The following CATSPERE variants were observed in gnomAD, a reference collection of about 807,000 sequenced individuals.
The protein encoded by CATSPERE is catsper channel auxiliary subunit epsilon, also known as cation channel sperm-associated auxiliary subunit epsilon.
CATSPERE carries 93 observed loss-of-function variants against 114.1 expected under a neutral mutation model. The ratio of observed to expected loss-of-function variants is 0.81; its 90% confidence interval spans 0.69 to 0.97. The LOEUF is 0.97. Among genes scored for constraint, CATSPERE ranks in the 50% least tolerant of loss-of-function variants. The probability of loss-of-function intolerance (pLI) is 0.00; values close to 1 mark genes in which losing one functional copy is unlikely to be tolerated. For missense variants in CATSPERE, 1,058 were observed against 1,131.6 expected, an observed-to-expected ratio of 0.93 and a Z score of 0.93; for synonymous variants, 341 against 384.1, an observed-to-expected ratio of 0.89 and a Z score of 1.31.
Position 244,477,887 on chromosome 1 carries a change from T to G in CATSPERE, c.189-19T>G. 6.3e-7 allele frequency: 1 copy of G among 1,580,084 alleles called. No homozygotes were observed. Among genetic ancestry groups the G allele is most frequent in the Non-Finnish European group, 8.7e-7 (1 of 1,152,714 alleles). On this transcript the variant is annotated intron_variant, in intron 3 of 21. Transcript: ENST00000366534. ...CATATGCACCTATAATTATTCTTTC[T>G]CATCTTTTTAAACACTAGCTCACCC...
At chr1:244,541,226 A>C (rs957953244) in intron 8 of CATSPERE, among the ~76,000 whole-genome samples, 237 of 151,240 alleles carry the variant, frequency 1.6e-3, no homozygotes, top group African/African-American at 5.5e-3. Context: ...GGCAACCTAC[A>C]AAATGGGAGA....
intron 6 of CATSPERE, among the ~76,000 whole-genome samples, chr1:244,494,345 C>T (rs1672739036): frequency 6.7e-6 from 1 of 150,352 alleles, no homozygotes. Context: ...AGCAAACTAT[C>T]ACAAGGACAA....
At chr1:244,620,871 G>A (rs979597613) in intron 20 of CATSPERE, among the ~76,000 whole-genome samples, 1 of 150,178 alleles carries the variant, frequency 6.7e-6, no homozygotes, top group Non-Finnish European at 1.5e-5. Context: ...GCAACATGTA[G>A]GACAAAGGAG....
At chr1:244,601,547 G>C (rs1050667434) in intron 17 of CATSPERE, among the ~76,000 whole-genome samples, 2 of 152,196 alleles carry the variant, frequency 1.3e-5, no homozygotes, top group Non-Finnish European at 1.5e-5. Context: ...CACCTAGACT[G>C]ACAGATTTCT....
chr1:244,475,617 A>T (rs1395020391), intron 2 of CATSPERE, among the ~76,000 whole-genome samples: 4 of 149,856 alleles, frequency 2.7e-5, no homozygotes, highest in Non-Finnish European at 1.5e-5. Flanking sequence ...GCTCACTGCA[A>T]TCTCTGACTC....
At chr1:244,461,532 G>A in intron 1 of CATSPERE, 38 bp downstream of exon 1, 1 of 1,269,988 alleles carries the variant, frequency 7.9e-7, no homozygotes. Context: ...GACTAGGCGG[G>A]GATTACCCCC....
intron 17 of CATSPERE, among the ~76,000 whole-genome samples, chr1:244,595,825 G>T (rs572068377): frequency 1.2e-3 from 176 of 152,218 alleles, no homozygotes; most frequent in African/African-American, 3.9e-3. Context: ...CCCAGCTACT[G>T]GGGAGGCTGA....
chr1:244,574,120 G>A (rs1307930254), intron 11 of CATSPERE, among the ~76,000 whole-genome samples: 6 of 152,172 alleles, frequency 3.9e-5, no homozygotes, highest in East Asian at 3.9e-4. Context: ...TGAACCTGAC[G>A]GGCTAATAAT....
At position 244,518,718 on chromosome 1, in the gene CATSPERE, T is replaced by G. The variant is rs555702665; in HGVS notation, c.536+20T>G. Reference sequence around the variant, plus strand: ...AAGGGGGTATTTAATTTTTTTTAATTTTAAATATAGAAATATGAAAACTTA... The same window carrying G: ...AAGGGGGTATTTAATTTTTTTTAATGTTAAATATAGAAATATGAAAACTTA... On this transcript the variant is annotated intron_variant, in intron 8 of 21. Coordinates refer to ENST00000366534, the MANE Select transcript of CATSPERE (RefSeq NM_001130957.2). 2 of 1,255,952 alleles carry G rather than the reference T, an allele frequency of 1.6e-6. No homozygotes were observed. Among genetic ancestry groups the G allele is most frequent in the Non-Finnish European group, 2.2e-6 (2 of 897,380 alleles). 77.8% of individuals were successfully genotyped at this position (1,255,952 alleles called of 1,614,324 possible). A position where few individuals can be genotyped will look rare whatever the true frequency, so the allele number is the denominator to read the frequency against.
At chr1:244,516,191 A>AAATAATAAT (rs146704402) in intron 7 of CATSPERE, among the ~76,000 whole-genome samples, 269 of 150,254 alleles carry the variant, frequency 1.8e-3, no homozygotes, top group African/African-American at 5.7e-3. Flanking sequence ...ACCTTGTCTC[A>AAATAATAAT]AATAATAATA....
rs933138054 is a variant in CATSPERE, at chr1:244,479,720, G to A, written c.262G>A (p.Glu88Lys). The change falls in exon 5 of 22, where the codon GAA (glutamate) becomes AAA (lysine). Residue 88 changes from glutamate to lysine, a missense_variant. By Grantham distance (56) the Glu-to-Lys change is moderately conservative. Transcript: ENST00000366534. Reference protein sequence around the residue: ...AIKPIVTGPDEEERYLFVESS... With the variant: ...AIKPIVTGPDKEERYLFVESS... ...TTTCTTTTGCATTTTCTTTTAGGAT[G>A]AAGAAGAACGCTATTTATTTGTGGA... is the stretch of plus-strand genomic sequence containing the variant. The A allele has an allele frequency of 1.4e-5, 22 of 1,592,340 alleles. No individual in the cohort carries two copies. The highest frequency in any genetic ancestry group is 1.9e-5 in the Non-Finnish European group (22 of 1,164,952).
intron 14 of CATSPERE, among the ~76,000 whole-genome samples, chr1:244,589,879 G>C (rs1667505529): frequency 6.6e-6 from 1 of 152,106 alleles, no homozygotes; most frequent in South Asian, 2.1e-4. Context: ...ACCTTACTCT[G>C]GGCCTCTTAG....
At chr1:244,547,762 G>A (rs1659982502) in intron 8 of CATSPERE, among the ~76,000 whole-genome samples, 1 of 152,030 alleles carries the variant, frequency 6.6e-6, no homozygotes. Flanking sequence ...TAGTAAAACA[G>A]GAAGAAAAGA....
rs1667027175 is a variant in CATSPERE at position 244,586,368 on chromosome 1, CCTGA to C, written c.2086-2111_2086-2108del. 2.6e-5 allele frequency among the ~76,000 whole-genome samples: 4 copies of C among 152,132 alleles called. No individual in the cohort carries two copies. The South Asian group carries it at 8.3e-4, about 32-fold the overall frequency. On this transcript the variant is annotated intron_variant, in intron 13 of 21. Coordinates refer to ENST00000366534, the MANE Select transcript of CATSPERE (RefSeq NM_001130957.2). ...ATGAGATCATCAAGTGATGGTGGGT[CCTGA>C]CTATGATAGATTTGAGAACCTTTGT...
chr1:244,562,081 G>A (rs1279898771), intron 10 of CATSPERE, among the ~76,000 whole-genome samples: 1 of 144,574 alleles, frequency 6.9e-6, no homozygotes, highest in Non-Finnish European at 1.5e-5. Context: ...GAGCCCGGGA[G>A]GTCAAGGCTG....
At chr1:244,566,473 GTC>G (rs746498783) in intron 10 of CATSPERE, among the ~76,000 whole-genome samples, 10 of 151,858 alleles carry the variant, frequency 6.6e-5, no homozygotes, top group Non-Finnish European at 1.0e-4. Context: ...CTCTTTGTAG[GTC>G]TCTAAGAACT....
chr1:244,513,146 A>G lies in CATSPERE; in HGVS notation c.430-5446A>G, dbSNP rs1676043140. ...CAGGCCCCTTGGCAGCATTCATTGC[A>G]TAAGCAGTGGCAGTAGCAGCAGGAG... On this transcript the variant is annotated intron_variant, in intron 7 of 21. Transcript: ENST00000366534. Among the ~76,000 whole-genome samples the G allele has an allele frequency of 3.3e-5, 5 of 152,198 alleles. No homozygotes were observed. In the South Asian group the frequency reaches 8.3e-4, roughly 25 times the overall value.
chr1:244,595,384 T>C (rs1239679649), intron 17 of CATSPERE, among the ~76,000 whole-genome samples: 4 of 152,166 alleles, frequency 2.6e-5, no homozygotes, highest in African/African-American at 9.7e-5. Context: ...CTGAGTCTTA[T>C]GGATAATGAG....
rs964898624 is a variant in CATSPERE at position 244,573,013 on chromosome 1, T to C, written c.1950+241T>C. Among the ~76,000 whole-genome samples, 6 of 152,082 alleles carry C rather than the reference T, an allele frequency of 3.9e-5. No individual in the cohort carries two copies. Among genetic ancestry groups the C allele is most frequent in the African/African-American group, 1.4e-4 (6 of 41,410 alleles). On this transcript the variant is annotated intron_variant, in intron 11 of 21. Transcript: ENST00000366534. The surrounding 1 kb of genome is among the most constrained non-coding windows in gnomAD (Gnocchi z 4.0). ...CCTTCAAAACTCATTGTCAATTGTATTGTTCACTTCTTCTTCTTTTTTTTT... is the reference window on the plus strand; with the variant it reads ...CCTTCAAAACTCATTGTCAATTGTACTGTTCACTTCTTCTTCTTTTTTTTT...
Sources: gnomAD v4.1 joint callset for allele counts (sites outside exome capture counted in the v4.1 genomes callset) on GRCh38, gnomAD v4.1.1 for gene constraint, Gnocchi (gnomAD v3.1) non-coding constraint, MANE v1.5 for transcripts, NCBI Gene and HGNC (gene_info 2026-07-23, HGNC 2026-07-21) for gene names.